The following CHPT1 variants were observed in gnomAD, a reference collection of about 807,000 sequenced individuals.
CHPT1 encodes the protein choline phosphotransferase 1.
In CHPT1, 36 loss-of-function variants were observed where a neutral mutation model predicts 47.6. The ratio of observed to expected loss-of-function variants is 0.76; its 90% CI spans 0.58 to 1.00. The LOEUF (loss-of-function observed/expected upper bound fraction) is 1.00, where lower values mean the gene tolerates loss of function less well. Among genes scored for constraint, CHPT1 ranks in the 50% least tolerant of loss-of-function variants. CHPT1 has a pLI of 0.00. For synonymous variants in CHPT1, 194 were observed against 186.3 expected, an observed-to-expected ratio of 1.04 and a Z score of -0.33; for missense variants, 458 against 498.1, an observed-to-expected ratio of 0.92 and a Z score of 0.77.
chr12:101,703,179 C>T (rs941363108), intron 1 of CHPT1, among the ~76,000 whole-genome samples: 3 of 152,116 alleles, frequency 2.0e-5, no homozygotes, highest in African/African-American at 4.8e-5. Flanking sequence ...TTGGGTTTTG[C>T]GAAGTTGAAG....
Position 101,702,289 on chromosome 12 carries a change from G to A in CHPT1, c.273+4155G>A, listed in dbSNP as rs575450614. On this transcript the variant is annotated intron_variant, in intron 1 of 8. Coordinates refer to ENST00000229266, the MANE Select transcript of CHPT1 (RefSeq NM_020244.3). ...GATTAAATGTTTCTGCCCTGTCTTC[G>A]TGATCTGTGCATATAAATCCATGTC... 3.3e-5 allele frequency among the ~76,000 whole-genome samples: 5 copies of A among 152,140 alleles called. No individual in the cohort carries two copies. In the South Asian group the frequency reaches 8.3e-4, roughly 25 times the overall value.
At chr12:101,703,091 G>C (rs548648515) in intron 1 of CHPT1, among the ~76,000 whole-genome samples, 1 of 152,154 alleles carries the variant, frequency 6.6e-6, no homozygotes, top group South Asian at 2.1e-4. Flanking sequence ...ATAAAACGTG[G>C]CATCGTGGTA....
intron 3 of CHPT1, among the ~76,000 whole-genome samples, chr12:101,716,327 A>G (rs2041149): frequency 0.48 from 72,790 of 151,976 alleles, 18,353 homozygotes; most frequent in East Asian, 0.72. Context: ...ACCTGGGAGT[A>G]TTTAAATTTG....
At chr12:101,726,628 T>C (rs919413087) in intron 8 of CHPT1, 18 of 547,760 alleles carry the variant, frequency 3.3e-5, no homozygotes, top group Non-Finnish European at 5.3e-5. Context: ...CAGAATTGTC[T>C]ACATATTAAT....
chr12:101,716,786 G>C lies in CHPT1; in HGVS notation c.622G>C (p.Gly208Arg), dbSNP rs1194301348. 6.2e-7 allele frequency: 1 copy of C among 1,606,320 alleles called. No homozygotes were observed. The highest frequency in any genetic ancestry group is 8.5e-7 in the Non-Finnish European group (1 of 1,176,048). Residue 208 changes from glycine to arginine, a missense_variant, in exon 4 of 9, where the codon GGA becomes CGA. By Grantham distance (125) the Gly-to-Arg change is moderately radical. Coordinates refer to ENST00000229266, the MANE Select transcript of CHPT1 (RefSeq NM_020244.3). ...LVIVFVLSAF[G>R]GATMWDYTIP... is the part of the protein sequence containing the mutation. ...GATTGTCTTTGTGTTGTCTGCATTTGGAGGAGCAACAATGTGGGACTATAC... is the reference window on the plus strand; with the variant it reads ...GATTGTCTTTGTGTTGTCTGCATTTCGAGGAGCAACAATGTGGGACTATAC...
In CHPT1 at chr12:101,710,365, AAAG is replaced by A. The variant is rs1258164924; in HGVS notation, c.274-3721_274-3719del. ...GTCTCAAGAACAAAAAAAGGAAAGA[AAAG>A]AAGTGCCCTTTGTTGTACTGTTGAA... On this transcript the variant is annotated intron_variant, in intron 1 of 8. Coordinates refer to ENST00000229266, the MANE Select transcript of CHPT1 (RefSeq NM_020244.3). 1.3e-5 allele frequency among the ~76,000 whole-genome samples: 2 copies of A among 148,978 alleles called. 1 individual carries two copies. Among genetic ancestry groups the A allele is most frequent in the Non-Finnish European group, 3.0e-5 (2 of 66,504 alleles).
intron 7 of CHPT1, 47 bp downstream of exon 7, chr12:101,723,894 G>A (rs368481855): frequency 2.9e-6 from 4 of 1,370,072 alleles, no homozygotes; most frequent in Non-Finnish European, 4.1e-6. Context: ...ATGCTTAAGA[G>A]CTATTTCAGT....
At chr12:101,727,482 TATG>T in intron 8 of CHPT1, 1 of 118,078 alleles carries the variant, frequency 8.5e-6, no homozygotes. Context: ...CCATATGTCA[TATG>T]ATGAAGTAAT....
chr12:101,716,652 T>G (rs961222545), intron 3 of CHPT1, 76 bp from the exon 4 acceptor site: 82 of 836,418 alleles, frequency 9.8e-5, no homozygotes, highest in Non-Finnish European at 1.4e-4. Context: ...TCTTTGCTAT[T>G]TAATATGTGA....
chr12:101,704,407 T>TC (rs1951601461), intron 1 of CHPT1, among the ~76,000 whole-genome samples: 1 of 150,680 alleles, frequency 6.6e-6, no homozygotes. Flanking sequence ...TATTTTTCTT[T>TC]TTTTTTTTTT....
intron 1 of CHPT1, among the ~76,000 whole-genome samples, chr12:101,710,304 T>C (rs1951688021): frequency 6.7e-6 from 1 of 149,026 alleles, no homozygotes; most frequent in Non-Finnish European, 1.5e-5. Context: ...CAAGATCCTT[T>C]ACTGCACTCC....
chr12:101,723,760 C>CA lies in CHPT1; in HGVS notation c.979dup (p.Thr327AsnfsTer16). On this transcript the variant is annotated frameshift_variant, in exon 7 of 9. Transcript: ENST00000229266. LOFTEE classifies it high-confidence loss of function. ...CCAAAAGTGAACTATATCTTCAAGA[C>CA]ACTGTCTTTTTGGGGCCAGGTCTTT... The CA allele has an allele frequency of 6.3e-7, 1 of 1,592,586 alleles. No individual in the cohort carries two copies. The highest frequency in any genetic ancestry group is 8.6e-7 in the Non-Finnish European group (1 of 1,165,128).
intron 5 of CHPT1, among the ~76,000 whole-genome samples, chr12:101,722,707 T>TAAAAAAAAAAAAAAAAAAAAAAA (rs10605402): frequency 8.8e-6 from 1 of 113,772 alleles, no homozygotes; most frequent in Non-Finnish European, 2.0e-5. Context: ...CACAAAAAAT[T>TAAAAAAAAAAAAAAAAAAAAAAA]AAAAAAAAAA....
In CHPT1 at chr12:101,723,189, G is replaced by A. The variant is rs1453250297; in HGVS notation, c.802G>A (p.Gly268Arg). 6.2e-6 allele frequency: 10 copies of A among 1,612,490 alleles called. No homozygotes were observed. Among genetic ancestry groups the A allele is most frequent in the Non-Finnish European group, 7.6e-6 (9 of 1,179,108 alleles). Residue 268 changes from glycine (G) to arginine (R), a missense_variant, in exon 6 of 9, where the codon GGA becomes AGA. Coordinates refer to ENST00000229266, the MANE Select transcript of CHPT1 (RefSeq NM_020244.3). ...TTAGGGCACCAGTGTCTTGTCACCT[G>A]GACTCCACATAGGACTAATTATTAT... ...TIAGTSVLSP[G>R]LHIGLIIILA...
chr12:101,724,248 C>A (rs1349140388), intron 7 of CHPT1, among the ~76,000 whole-genome samples: 1 of 150,992 alleles, frequency 6.6e-6, no homozygotes, highest in African/African-American at 2.4e-5. Context: ...CTAGTCTATA[C>A]AATATATACA....
At chr12:101,719,923 A>C (rs963227015) in intron 4 of CHPT1, 200 bp from the exon 5 acceptor site, 19 of 311,652 alleles carry the variant, frequency 6.1e-5, no homozygotes, top group Middle Eastern at 8.9e-4. Flanking sequence ...TCTACAAAAA[A>C]TAATAAAAAT....
At position 101,723,182 on chromosome 12, in the gene CHPT1, G is replaced by A; in HGVS notation, c.795G>A (p.Leu265=). The part of the protein sequence containing the change: ...NGSTIAGTSV[L]SPGLHIGLII... ...TTATCCCTTAGGGCACCAGTGTCTT[G>A]TCACCTGGACTCCACATAGGACTAA... Residue 265 remains leucine, a synonymous_variant, in exon 6 of 9, where the codon TTG becomes TTA. Coordinates refer to ENST00000229266, the MANE Select transcript of CHPT1 (RefSeq NM_020244.3). The A allele has an allele frequency of 1.9e-6, 3 of 1,612,414 alleles. No homozygotes were observed. Among genetic ancestry groups the A allele is most frequent in the Non-Finnish European group, 2.5e-6 (3 of 1,178,980 alleles).
chr12:101,717,080 CAAAA>C (rs954911615), intron 4 of CHPT1, among the ~76,000 whole-genome samples: 2 of 151,222 alleles, frequency 1.3e-5, no homozygotes, highest in African/African-American at 2.4e-5. Context: ...CTAAATAAAA[CAAAA>C]ACAACAACAA....
At chr12:101,713,958 A>G (rs1450918846) in intron 1 of CHPT1, 132 bp from the exon 2 acceptor site, 5 of 545,740 alleles carry the variant, frequency 9.2e-6, no homozygotes, top group African/African-American at 1.9e-5. Flanking sequence ...TTTAATTCGC[A>G]TCTGTAGAAT....
Sources: allele counts gnomAD v4.1 joint callset (sites outside exome capture counted in the v4.1 genomes callset), GRCh38; gene constraint gnomAD v4.1.1; transcripts MANE v1.5; gene names NCBI Gene and HGNC (gene_info 2026-07-23, HGNC 2026-07-21).